The following CNTNAP2 variants were observed in gnomAD, a reference collection of about 807,000 sequenced individuals.
CNTNAP2 encodes contactin-associated protein-like 2.
CNTNAP2 carries 98 observed loss-of-function variants against 155.2 expected under a neutral mutation model. That is an observed-to-expected ratio of 0.63 (90% CI 0.54 to 0.75). The LOEUF is 0.75. Ranked by LOEUF, CNTNAP2 falls within the 30% of genes least tolerant of loss-of-function variation. CNTNAP2 has a pLI of 0.00. For synonymous variants in CNTNAP2, 651 were observed against 631.2 expected (o/e 1.03, Z -0.47); for missense variants, 1,727 against 1,688.1 (o/e 1.02, Z -0.40).
rs200120380 is a variant in CNTNAP2, at chr7:146,334,823, C to CT, written c.97+217850_97+217851insT. 6.0e-4 allele frequency among the ~76,000 whole-genome samples: 92 copies of CT among 152,302 alleles called. 1 individual carries two copies. Among genetic ancestry groups the CT allele is most frequent in the African/African-American group, 2.1e-3 (89 of 41,564 alleles). On this transcript the variant is annotated intron_variant, in intron 1 of 23. Transcript: ENST00000361727. ...CACATTTGTGAACCTGTTCATGCCCCACTTCAGTTATCAGTATTATTCCTC... is the reference window on the plus strand; with the variant it reads ...CACATTTGTGAACCTGTTCATGCCCCTACTTCAGTTATCAGTATTATTCCTC...
chr7:148,215,009 G>T (rs1795612286), intron 18 of CNTNAP2, among the ~76,000 whole-genome samples: 3 of 152,112 alleles, frequency 2.0e-5, no homozygotes, highest in Admixed American at 2.0e-4. Flanking sequence ...AAAAGTTTTG[G>T]GGGTAAGAGG....
intron 12 of CNTNAP2, among the ~76,000 whole-genome samples, chr7:147,582,409 G>A (rs1447251945): frequency 1.3e-5 from 2 of 152,156 alleles, no homozygotes; most frequent in Admixed American, 6.5e-5. Context: ...CAAACTCTGG[G>A]CATTTCAAAT....
intron 1 of CNTNAP2, among the ~76,000 whole-genome samples, chr7:146,530,780 G>T (rs1797758434): frequency 6.6e-6 from 1 of 152,202 alleles, no homozygotes; most frequent in Non-Finnish European, 1.5e-5. Context: ...TAGTGGGAAT[G>T]CAAATTAGTT....
At chr7:146,399,336 C>T (rs1178079968) in intron 1 of CNTNAP2, among the ~76,000 whole-genome samples, 1 of 152,096 alleles carries the variant, frequency 6.6e-6, no homozygotes, top group Non-Finnish European at 1.5e-5. Flanking sequence ...TTGTCCCTTC[C>T]CTCCAGTCTC....
At chr7:147,508,506 G>A (rs141684357) in intron 11 of CNTNAP2, among the ~76,000 whole-genome samples, 2 of 152,254 alleles carry the variant, frequency 1.3e-5, no homozygotes, top group African/African-American at 4.8e-5. Context: ...TGATTTAAGG[G>A]CCTTCAGTTT....
intron 14 of CNTNAP2, among the ~76,000 whole-genome samples, chr7:147,925,262 T>C: frequency 6.7e-6 from 1 of 148,594 alleles, no homozygotes; most frequent in Non-Finnish European, 1.5e-5. Context: ...CCTACACATA[T>C]AATGCAGACA....
chr7:147,612,764 T>G (rs1801211984), intron 12 of CNTNAP2, among the ~76,000 whole-genome samples: 2 of 152,226 alleles, frequency 1.3e-5, no homozygotes, highest in African/African-American at 4.8e-5. Context: ...TATTGATATC[T>G]GTGTTCTTAA....
chr7:147,114,276 T>C (rs1164521794), intron 5 of CNTNAP2, among the ~76,000 whole-genome samples: 5 of 152,200 alleles, frequency 3.3e-5, no homozygotes, highest in Admixed American at 3.3e-4. Flanking sequence ...ATGAGAAGTA[T>C]GCATATTCTG....
At chr7:146,785,108 C>T (rs1403686401) in intron 2 of CNTNAP2, among the ~76,000 whole-genome samples, 1 of 151,614 alleles carries the variant, frequency 6.6e-6, no homozygotes, top group Non-Finnish European at 1.5e-5. Context: ...GTAGCTAAGA[C>T]TATAGACTCG....
intron 10 of CNTNAP2, among the ~76,000 whole-genome samples, chr7:147,477,304 C>T (rs1297870654): frequency 1.3e-5 from 2 of 152,088 alleles, no homozygotes; most frequent in Non-Finnish European, 2.9e-5. Flanking sequence ...AAAAGTATAA[C>T]CTCAAACTGA....
intron 21 of CNTNAP2, among the ~76,000 whole-genome samples, chr7:148,382,057 T>C (rs776823257): frequency 1.3e-5 from 2 of 152,158 alleles, no homozygotes; most frequent in Non-Finnish European, 2.9e-5. Flanking sequence ...TTTTCCCCAA[T>C]AGGGAGAAGG....
At chr7:147,736,851 G>C (rs1057394750) in intron 13 of CNTNAP2, among the ~76,000 whole-genome samples, 3 of 152,132 alleles carry the variant, frequency 2.0e-5, no homozygotes, top group Non-Finnish European at 4.4e-5. Flanking sequence ...CGTAGTTCTC[G>C]TGCTATGGTT....
At chr7:146,995,163 C>T (rs1285444898) in intron 3 of CNTNAP2, among the ~76,000 whole-genome samples, 1 of 151,970 alleles carries the variant, frequency 6.6e-6, no homozygotes, top group Non-Finnish European at 1.5e-5. Context: ...ATAAATGACA[C>T]GATTTCCTTC....
At chr7:148,363,852 G>GCGCGTGCGA (rs1563058141) in intron 21 of CNTNAP2, among the ~76,000 whole-genome samples, 1 of 148,728 alleles carries the variant, frequency 6.7e-6, no homozygotes, top group African/African-American at 2.5e-5. Flanking sequence ...GCTGCGTGCG[G>GCGCGTGCGA]GCCAGCTGGA....
At chr7:146,664,444 A>G (rs1429772935) in intron 1 of CNTNAP2, among the ~76,000 whole-genome samples, 2 of 152,074 alleles carry the variant, frequency 1.3e-5, no homozygotes, top group African/African-American at 4.8e-5. Context: ...TACCGGCGTG[A>G]CCCACCATGC....
intron 12 of CNTNAP2, among the ~76,000 whole-genome samples, chr7:147,610,033 C>T (rs1801152244): frequency 1.3e-5 from 2 of 152,002 alleles, no homozygotes; most frequent in Non-Finnish European, 2.9e-5. Flanking sequence ...TTTTTCCCCT[C>T]AGAGCAAATT....
chr7:146,117,478 C>A lies in CNTNAP2; in HGVS notation c.97+505C>A, dbSNP rs1052142414. 2.0e-5 allele frequency among the ~76,000 whole-genome samples: 3 copies of A among 152,058 alleles called. No individual in the cohort carries two copies. In the South Asian group the frequency reaches 6.2e-4, roughly 32 times the overall value. On this transcript the variant is annotated intron_variant, in intron 1 of 23. Coordinates refer to ENST00000361727, the MANE Select transcript of CNTNAP2 (RefSeq NM_014141.6). Reference sequence around the variant, plus strand: ...CCCGTTCCCTTAAAAAGTTAATGCCCATTTAGTACTTGCTTATTAAAATGG... The same window carrying A: ...CCCGTTCCCTTAAAAAGTTAATGCCAATTTAGTACTTGCTTATTAAAATGG...
Position 146,483,114 on chromosome 7 carries a change from A to G in CNTNAP2, c.98-291157A>G, listed in dbSNP as rs551966959. On this transcript the variant is annotated intron_variant, in intron 1 of 23. Coordinates refer to ENST00000361727, the MANE Select transcript of CNTNAP2 (RefSeq NM_014141.6). ...ACACGGTGAAACCCCGTCTCTACTA[A>G]AAATACAAAAAATTAGCCGGGCATG... Among the ~76,000 whole-genome samples, 151 of 150,594 alleles carry G rather than the reference A, an allele frequency of 1.0e-3. 2 individuals are homozygous for G. In the Middle Eastern group the frequency reaches 0.01, roughly 10 times the overall value.
intron 1 of CNTNAP2, among the ~76,000 whole-genome samples, chr7:146,501,126 A>G (rs893150400): frequency 1.3e-4 from 20 of 151,850 alleles, no homozygotes; most frequent in Admixed American, 1.2e-3. Flanking sequence ...GTCTGCTAGT[A>G]TTTTTGTTGA....
Sources: gnomAD v4.1 joint callset for allele counts (sites outside exome capture counted in the v4.1 genomes callset) on GRCh38, gnomAD v4.1.1 for gene constraint, MANE v1.5 for transcripts, NCBI Gene and HGNC (gene_info 2026-07-23, HGNC 2026-07-21) for gene names.